PALS2: variants seen among roughly 807,000 people sequenced by gnomAD.
PALS2 encodes protein PALS2.
A neutral mutation model predicts 61.6 loss-of-function variants in PALS2; 27 were observed. That is an observed-to-expected ratio of 0.44 (90% CI 0.32 to 0.60). The LOEUF (loss-of-function observed/expected upper bound fraction) is 0.60, where lower values mean the gene tolerates loss of function less well. Ranked by LOEUF, PALS2 falls within the 20% of genes least tolerant of loss-of-function variation. The pLI is 0.05. For missense variants in PALS2, 554 were observed against 639.4 expected, an observed-to-expected ratio of 0.87 and a Z score of 1.44; for synonymous variants, 236 against 218.6, an observed-to-expected ratio of 1.08 and a Z score of -0.70.
chr7:24,623,750 T>C lies in PALS2; in HGVS notation c.83T>C (p.Ile28Thr). Residue 28 changes from isoleucine (I) to threonine (T), a missense_variant, in exon 2 of 12, where the codon ATT (isoleucine) becomes ACT (threonine). Transcript: ENST00000222644. ...ATAGACCTAATTTTCCTCAAGGGAA[T>C]TATGGAGAATCCTATTGTAAAATCA... ...EEIDLIFLKGIMENPIVKSLA... is the reference protein window; with the variant it reads ...EEIDLIFLKGTMENPIVKSLA... 6.3e-7 allele frequency: 1 copy of C among 1,599,374 alleles called. No individual in the cohort carries two copies. Among genetic ancestry groups the C allele is most frequent in the Non-Finnish European group, 8.6e-7 (1 of 1,169,280 alleles).
At position 24,679,334 on chromosome 7, in the gene PALS2, G is replaced by A; in HGVS notation, c.1317+1G>A. 1 of 1,613,444 alleles carries A rather than the reference G, an allele frequency of 6.2e-7. No individual in the cohort carries two copies. The highest frequency in any genetic ancestry group is 8.5e-7 in the Non-Finnish European group (1 of 1,179,646). ...TTGCATTCTGGATGTCAACCCACAA[G>A]TAAGCTGCTTGGATTCCAAAGCTGT... On this transcript the variant is annotated splice_donor_variant, in intron 10 of 11. Coordinates refer to ENST00000222644, the MANE Select transcript of PALS2 (RefSeq NM_001303037.2). LOFTEE classifies it high-confidence loss of function.
intron 11 of PALS2, among the ~76,000 whole-genome samples, chr7:24,685,391 G>T (rs186640832): frequency 5.3e-5 from 8 of 152,124 alleles, no homozygotes; most frequent in African/African-American, 1.9e-4. Flanking sequence ...CAGCTTTTCT[G>T]TGCCCTCTCC....
At chr7:24,674,988 A>G (rs1240123471) in intron 9 of PALS2, among the ~76,000 whole-genome samples, 2 of 152,362 alleles carry the variant, frequency 1.3e-5, no homozygotes, top group South Asian at 2.1e-4. Flanking sequence ...GTAGTTGCGC[A>G]GTATAGAAGT....
intron 5 of PALS2, 118 bp downstream of exon 5, chr7:24,650,830 T>C: frequency 1.4e-6 from 1 of 706,262 alleles, no homozygotes; most frequent in Non-Finnish European, 2.2e-6. Context: ...TTGATTTGAG[T>C]GTTCTGAAAT....
Position 24,680,255 on chromosome 7 carries a change from A to G in PALS2, c.1318-137A>G, listed in dbSNP as rs565683594. ...GAAAGTACTATATGGAATGAGAAGG[A>G]CAGAACAGGGATAAGTATTAAGTTA... On this transcript the variant is annotated intron_variant, in intron 10 of 11. Coordinates refer to ENST00000222644, the MANE Select transcript of PALS2 (RefSeq NM_001303037.2). 3 of 789,274 alleles carry G rather than the reference A, an allele frequency of 3.8e-6. No homozygotes were observed. In the African/African-American group the frequency reaches 5.3e-5, roughly 14 times the overall value. The allele number at this position is 789,274 out of a possible 1,614,324, so 48.9% of individuals were successfully genotyped here.
chr7:24,667,032 A>C (rs1156445039), intron 8 of PALS2: 1 of 152,168 alleles, frequency 6.6e-6, no homozygotes, highest in East Asian at 1.9e-4. Context: ...AGAAGGAAGA[A>C]GTAGGCTTGC....
intron 1 of PALS2, among the ~76,000 whole-genome samples, chr7:24,610,730 T>C (rs1784084649): frequency 6.6e-6 from 1 of 152,156 alleles, no homozygotes; most frequent in Non-Finnish European, 1.5e-5. Flanking sequence ...TTATCATCTC[T>C]TGGAAATGTA....
At chr7:24,615,699 A>C (rs1784271274) in intron 1 of PALS2, among the ~76,000 whole-genome samples, 1 of 152,054 alleles carries the variant, frequency 6.6e-6, no homozygotes, top group African/African-American at 2.4e-5. Flanking sequence ...AATTCTTCTA[A>C]ACTCATTCTA....
chr7:24,602,379 T>C (rs1408846498), intron 1 of PALS2, among the ~76,000 whole-genome samples: 4 of 152,174 alleles, frequency 2.6e-5, no homozygotes, highest in Non-Finnish European at 4.4e-5. Flanking sequence ...GATTCTTAGC[T>C]CATTAAGAGT....
chr7:24,687,885 TA>T lies in PALS2; in HGVS notation c.*272del, dbSNP rs1788288566. On this transcript the variant is annotated 3_prime_UTR_variant, in exon 12 of 12. Transcript: ENST00000222644. The surrounding 1 kb of genome is among the most constrained non-coding windows in gnomAD (Gnocchi z 4.5). ...TAAAGAAATGCGTTGAAGCATTTTG[TA>T]TATGTTTTGATTTAGTACCCTTGCC... 3.9e-6 allele frequency: 1 copy of T among 258,488 alleles called. No homozygotes were observed. Among genetic ancestry groups the T allele is most frequent in the Non-Finnish European group, 7.2e-6 (1 of 139,158 alleles). The allele number at this position is 258,488 out of a possible 1,614,324, so 16.0% of individuals were successfully genotyped here.
chr7:24,635,837 C>T (rs1200664859), intron 2 of PALS2, among the ~76,000 whole-genome samples: 1 of 152,052 alleles, frequency 6.6e-6, no homozygotes, highest in Non-Finnish European at 1.5e-5. Flanking sequence ...CTTTTTCTTA[C>T]AAGTTATGCT....
chr7:24,661,302 A>C (rs1786707436), intron 5 of PALS2, among the ~76,000 whole-genome samples: 1 of 152,068 alleles, frequency 6.6e-6, no homozygotes, highest in African/African-American at 2.4e-5. Flanking sequence ...TGACCATAAC[A>C]GTAATGTTCT....
At chr7:24,658,192 G>A (rs1786524855) in intron 5 of PALS2, among the ~76,000 whole-genome samples, 1 of 152,100 alleles carries the variant, frequency 6.6e-6, no homozygotes, top group African/African-American at 2.4e-5. Flanking sequence ...CTTTTGCAAT[G>A]TCTAATCTGC....
chr7:24,597,825 T>C (rs990580790), intron 1 of PALS2, among the ~76,000 whole-genome samples: 4 of 152,152 alleles, frequency 2.6e-5, no homozygotes, highest in African/African-American at 9.7e-5. Context: ...TCTGACAAAG[T>C]AGTCTTTTGA....
intron 1 of PALS2, among the ~76,000 whole-genome samples, chr7:24,605,540 A>G (rs886187269): frequency 6.6e-6 from 1 of 152,220 alleles, no homozygotes; most frequent in African/African-American, 2.4e-5. Context: ...TGAAGCATAT[A>G]TCTTCATATT....
At chr7:24,647,418 G>A (rs141544148) in intron 3 of PALS2, among the ~76,000 whole-genome samples, 9,618 of 152,120 alleles carry the variant, frequency 0.063, 350 homozygotes, top group African/African-American at 0.093. Flanking sequence ...CAAAGTGCTG[G>A]GATTACAGGC....
intron 9 of PALS2, among the ~76,000 whole-genome samples, chr7:24,678,158 C>T (rs1223463225): frequency 2.0e-5 from 3 of 152,160 alleles, no homozygotes; most frequent in Admixed American, 6.5e-5. Context: ...TTCTTCAAAG[C>T]TGTTGTTAAC....
At chr7:24,609,711 T>A (rs927836778) in intron 1 of PALS2, among the ~76,000 whole-genome samples, 1 of 152,120 alleles carries the variant, frequency 6.6e-6, no homozygotes, top group Non-Finnish European at 1.5e-5. Flanking sequence ...CTCTCTTTTT[T>A]TTCAGGCTCC....
In PALS2 at chr7:24,687,458, A is replaced by C; in HGVS notation, c.1467A>C (p.Thr489=). The C allele has an allele frequency of 6.2e-7, 1 of 1,610,306 alleles. No individual in the cohort carries two copies. Among genetic ancestry groups the C allele is most frequent in the Non-Finnish European group, 8.5e-7 (1 of 1,178,954 alleles). ...KLLTDSDLKK[T]VDESARIQRA... ...AACAGGACTCTGACTTGAAGAAAAC[A>C]GTGGATGAAAGTGCACGGATTCAGA... The change falls in exon 12 of 12, where the codon ACA becomes ACC. Residue 489 remains threonine, a synonymous_variant. Transcript: ENST00000222644. This position sits in a 1 kb window ranked among gnomAD's most constrained non-coding sequence, Gnocchi z 4.5.
Sources: gnomAD v4.1 joint callset for allele counts (sites outside exome capture counted in the v4.1 genomes callset) on GRCh38, gnomAD v4.1.1 for gene constraint, Gnocchi (gnomAD v3.1) non-coding constraint, MANE v1.5 for transcripts, NCBI Gene and HGNC (gene_info 2026-07-23, HGNC 2026-07-21) for gene names.